The following RGL1 variants were observed in gnomAD, a reference collection of about 807,000 sequenced individuals.
RGL1 encodes ral guanine nucleotide dissociation stimulator like 1, also known as ral guanine nucleotide dissociation stimulator-like 1.
Under a neutral mutation model 95.2 loss-of-function variants are expected in RGL1, and 24 were observed. The observed-to-expected ratio is 0.25, with a 90% confidence interval of 0.18 to 0.35. The LOEUF (loss-of-function observed/expected upper bound fraction) is 0.35. Ranked by LOEUF, RGL1 falls within the 10% of genes least tolerant of loss-of-function variation. The pLI is 1.00. For synonymous variants in RGL1, 329 were observed against 344.9 expected, an observed-to-expected ratio of 0.95 and a Z score of 0.51; for missense variants, 715 against 936.3, an observed-to-expected ratio of 0.76 and a Z score of 3.08.
chr1:183,803,808 G>A (rs1255028206), upstream of RGL1, among the ~76,000 whole-genome samples: 1 of 152,208 alleles, frequency 6.6e-6, no homozygotes, highest in African/African-American at 2.4e-5. Context: ...TTAACAAGCA[G>A]GGAGGTAGGG....
chr1:183,917,815 G>T (rs189538028), intron 16 of RGL1, among the ~76,000 whole-genome samples: 398 of 152,328 alleles, frequency 2.6e-3, no homozygotes, highest in African/African-American at 9.1e-3. Flanking sequence ...AATCCCGCAG[G>T]CAATAGGGTC....
At chr1:183,924,554 C>T (rs536564530) in intron 17 of RGL1, among the ~76,000 whole-genome samples, 43 of 151,860 alleles carry the variant, frequency 2.8e-4, no homozygotes, top group Non-Finnish European at 3.5e-4. Flanking sequence ...AGCAAGCCAC[C>T]GTGGCACATA....
intron 2 of RGL1, among the ~76,000 whole-genome samples, chr1:183,760,568 C>CAAAAA (rs58715145): frequency 8.7e-3 from 437 of 50,402 alleles, no homozygotes; most frequent in African/African-American, 0.012. Flanking sequence ...CCAGTCTCTG[C>CAAAAA]AAAAAAAAAA....
At chr1:183,790,923 T>TACAC (rs66642623) in intron 2 of RGL1, among the ~76,000 whole-genome samples, 81,873 of 150,136 alleles carry the variant, frequency 0.55, 22,201 homozygotes, top group East Asian at 0.72. Flanking sequence ...CATGTATGTG[T>TACAC]ACACACACAC....
intron 2 of RGL1, among the ~76,000 whole-genome samples, chr1:183,820,360 T>C (rs949927952): frequency 2.6e-5 from 4 of 152,142 alleles, no homozygotes; most frequent in Non-Finnish European, 5.9e-5. Flanking sequence ...TTGGACTTGG[T>C]GTTTGAGGAG....
chr1:183,640,442 T>C (rs1163864770), intron 1 of RGL1, among the ~76,000 whole-genome samples: 1 of 152,206 alleles, frequency 6.6e-6, no homozygotes, highest in East Asian at 1.9e-4. Flanking sequence ...TTCATCCTGG[T>C]ATCTGCAACT....
intron 1 of RGL1, among the ~76,000 whole-genome samples, chr1:183,641,633 A>G (rs1388166144): frequency 3.3e-5 from 5 of 152,182 alleles, no homozygotes; most frequent in Non-Finnish European, 5.9e-5. Flanking sequence ...TGCTATCTTT[A>G]TCCAGTTTTG....
intron 2 of RGL1, among the ~76,000 whole-genome samples, chr1:183,770,127 T>C (rs1315057279): frequency 1.3e-5 from 2 of 152,210 alleles, no homozygotes; most frequent in East Asian, 1.9e-4. Context: ...ACAGTCCAGG[T>C]GCTTTTCTCT....
chr1:183,834,832 C>T (rs1484998917), intron 2 of RGL1, among the ~76,000 whole-genome samples: 1 of 152,048 alleles, frequency 6.6e-6, no homozygotes, highest in Non-Finnish European at 1.5e-5. Flanking sequence ...AGGCACATAT[C>T]ACCACACCCA....
At chr1:183,879,560 A>G (rs1197192719) in intron 4 of RGL1, among the ~76,000 whole-genome samples, 2 of 152,318 alleles carry the variant, frequency 1.3e-5, no homozygotes, top group African/African-American at 2.4e-5. Context: ...TGTCTCTGTC[A>G]ATAAAAGATG....
intron 1 of RGL1, among the ~76,000 whole-genome samples, chr1:183,700,070 G>A (rs1654491910): frequency 6.6e-6 from 1 of 152,112 alleles, no homozygotes; most frequent in Non-Finnish European, 1.5e-5. Context: ...GTATACTAGT[G>A]GCTGTGACCA....
intron 4 of RGL1, among the ~76,000 whole-genome samples, chr1:183,870,299 AG>A (rs1396524793): frequency 1.5e-4 from 18 of 121,482 alleles, no homozygotes; most frequent in Non-Finnish European, 2.8e-4. Flanking sequence ...CGGCCAGGGT[AG>A]GTGTCTTCCG....
intron 17 of RGL1, among the ~76,000 whole-genome samples, chr1:183,923,957 C>A (rs1252104228): frequency 6.6e-6 from 1 of 152,224 alleles, no homozygotes; most frequent in Non-Finnish European, 1.5e-5. Context: ...CCCGACCCCA[C>A]TACCACAGAG....
chr1:183,747,726 T>C (rs2102273050), intron 2 of RGL1, among the ~76,000 whole-genome samples: 1 of 152,332 alleles, frequency 6.6e-6, no homozygotes, highest in East Asian at 1.9e-4. Context: ...TGTTGCTGGA[T>C]TCGGTTTGCC....
chr1:183,685,261 C>T (rs796103695), intron 1 of RGL1, among the ~76,000 whole-genome samples: 1 of 152,038 alleles, frequency 6.6e-6, no homozygotes, highest in East Asian at 1.9e-4. Context: ...GGAAAGGAAA[C>T]GCCAGCAGCC....
rs1162370976 is a variant in RGL1, at chr1:183,900,221, T to G, written c.1302T>G (p.Leu434=). 6.2e-7 allele frequency: 1 copy of G among 1,613,846 alleles called. No homozygotes were observed. Among genetic ancestry groups the G allele is most frequent in the Admixed American group, 1.7e-5 (1 of 60,022 alleles). Reference sequence around the variant, plus strand: ...ACCTGACCATGCTTGACACTGCCCTTCAGGACTACATCGAGGTGAGTTCCA... The same window carrying G: ...ACCTGACCATGCTTGACACTGCCCTGCAGGACTACATCGAGGTGAGTTCCA... The part of the protein sequence containing the change: ...LTDLTMLDTA[L]QDYIEGGLIN... Residue 434 remains leucine, a synonymous_variant, in exon 11 of 18, where the codon CTT becomes CTG. Coordinates refer to ENST00000360851, the MANE Select transcript of RGL1 (RefSeq NM_001297671.3).
chr1:183,658,738 G>A (rs865844804), intron 1 of RGL1, among the ~76,000 whole-genome samples: 6 of 152,140 alleles, frequency 3.9e-5, no homozygotes, highest in Non-Finnish European at 7.3e-5. Context: ...GGAGATCTGA[G>A]AACGGGCAGA....
chr1:183,846,635 T>A (rs1173791216), intron 2 of RGL1, among the ~76,000 whole-genome samples: 1 of 152,004 alleles, frequency 6.6e-6, no homozygotes, highest in Non-Finnish European at 1.5e-5. Context: ...ATCACAACAC[T>A]TTTGGAGGCT....
intron 1 of RGL1, among the ~76,000 whole-genome samples, chr1:183,700,585 A>G (rs12138213): frequency 0.47 from 70,319 of 148,452 alleles, 17,283 homozygotes; most frequent in East Asian, 0.76. Context: ...TCACTCTGTC[A>G]CCCATGCTGG....
Sources: allele counts gnomAD v4.1 joint callset (sites outside exome capture counted in the v4.1 genomes callset), GRCh38; gene constraint gnomAD v4.1.1; transcripts MANE v1.5; gene names NCBI Gene and HGNC (gene_info 2026-07-23, HGNC 2026-07-21).